LRP5: variants seen among roughly 807,000 people sequenced by gnomAD.
LRP5 encodes LDL receptor related protein 5, also known as low-density lipoprotein receptor-related protein 5.
In LRP5, 62 loss-of-function variants were observed where a neutral mutation model predicts 154.1. The ratio of observed to expected loss-of-function variants is 0.40; its 90% confidence interval spans 0.33 to 0.50. The LOEUF is 0.50. Ranked by LOEUF, LRP5 falls within the 20% of genes least tolerant of loss-of-function variation. LRP5 has a pLI of 0.55. For missense variants in LRP5, 1,915 were observed against 2,336.7 expected, an observed-to-expected ratio of 0.82 and a Z score of 3.72; for synonymous variants, 966 against 1,011.5, an observed-to-expected ratio of 0.96 and a Z score of 0.85.
chr11:68,433,182 C>T (rs1297162400), intron 17 of LRP5, among the ~76,000 whole-genome samples: 2 of 152,306 alleles, frequency 1.3e-5, no homozygotes, highest in Admixed American at 6.5e-5. Flanking sequence ...CTGAGGAGGG[C>T]GCAGTGGGCA....
Position 68,388,061 on chromosome 11 carries a change from C to T in LRP5, c.1412+1349C>T, listed in dbSNP as rs887606533. Reference sequence around the variant, plus strand: ...CAGGCAGCGGGAGTGCAGCAGGCAGCGGGAGCACAGCAGGCAGAGGGCGGG... The same window carrying T: ...CAGGCAGCGGGAGTGCAGCAGGCAGTGGGAGCACAGCAGGCAGAGGGCGGG... On this transcript the variant is annotated intron_variant, in intron 6 of 22. Coordinates refer to ENST00000294304, the MANE Select transcript of LRP5 (RefSeq NM_002335.4). 1.7e-4 allele frequency among the ~76,000 whole-genome samples: 26 copies of T among 152,096 alleles called. 1 individual carries two copies. Among genetic ancestry groups the T allele is most frequent in the Admixed American group, 1.5e-3 (23 of 15,276 alleles).
Position 68,318,556 on chromosome 11 carries a change from C to T in LRP5, c.91+5751C>T, listed in dbSNP as rs1237806135. Among the ~76,000 whole-genome samples the T allele has an allele frequency of 2.0e-5, 3 of 152,070 alleles. No individual in the cohort carries two copies. The East Asian group carries it at 5.8e-4, about 29-fold the overall frequency. On this transcript the variant is annotated intron_variant, in intron 1 of 22. Coordinates refer to ENST00000294304, the MANE Select transcript of LRP5 (RefSeq NM_002335.4). ...GTTTCACTATGTTGCCCAGGCTGGT[C>T]TTGAACTCCTGGGCTCAAGCGATCC... is the stretch of plus-strand genomic sequence containing the variant.
rs768364811 is a variant in LRP5 at position 68,413,824 on chromosome 11, C to T, written c.2639C>T (p.Thr880Ile). 4 of 1,613,814 alleles carry T rather than the reference C, an allele frequency of 2.5e-6. No individual in the cohort carries two copies. In the South Asian group the frequency reaches 4.4e-5, roughly 18 times the overall value. The change falls in exon 12 of 23, where the codon ACC (threonine) becomes ATC (isoleucine). Residue 880 changes from threonine (T) to isoleucine (I), a missense_variant. Thr to Ile is a moderately conservative substitution (Grantham distance 89, BLOSUM62 -1). Transcript: ENST00000294304. The surrounding 1 kb of genome is among the most constrained non-coding windows in gnomAD (Gnocchi z 5.1). ...RADKTSGRNR[T>I]LIQGHLDFVM... ...GACAAGACTAGCGGCCGGAACCGCA[C>T]CCTCATCCAGGGCCACCTGGACTTC... is the stretch of plus-strand genomic sequence containing the variant.
At chr11:68,381,777 T>C (rs1356950116) in intron 5 of LRP5, among the ~76,000 whole-genome samples, 1 of 152,238 alleles carries the variant, frequency 6.6e-6, no homozygotes, top group Non-Finnish European at 1.5e-5. Flanking sequence ...GCCTCTCTTC[T>C]TTATAGCCCG....
chr11:68,340,378 C>CT (rs2098608236), intron 1 of LRP5, among the ~76,000 whole-genome samples: 1 of 152,200 alleles, frequency 6.6e-6, no homozygotes, highest in African/African-American at 2.4e-5. Flanking sequence ...ATCCAGGCAA[C>CT]TGAGTCTGAG....
intron 5 of LRP5, among the ~76,000 whole-genome samples, chr11:68,373,607 TCA>T (rs2098635628): frequency 6.6e-6 from 1 of 152,166 alleles, no homozygotes; most frequent in Non-Finnish European, 1.5e-5. Flanking sequence ...TCTCTGCAGC[TCA>T]GAGTCACTCT....
intron 7 of LRP5, among the ~76,000 whole-genome samples, chr11:68,394,831 G>C (rs1233307444): frequency 1.3e-5 from 2 of 152,196 alleles, no homozygotes; most frequent in African/African-American, 4.8e-5. Context: ...GGTTGCTATA[G>C]GGAATATGAG....
At chr11:68,411,403 ACTGAGCCTG>A (rs2098659398) in intron 10 of LRP5, 24 bp from the exon 11 acceptor site, 1 of 1,605,426 alleles carries the variant, frequency 6.2e-7, no homozygotes, top group Admixed American at 1.7e-5. Context: ...GAGCAGACTC[ACTGAGCCTG>A]CCCTTCTCCC....
At chr11:68,354,630 G>A (rs1001425912) in intron 2 of LRP5, among the ~76,000 whole-genome samples, 1 of 152,210 alleles carries the variant, frequency 6.6e-6, no homozygotes, top group African/African-American at 2.4e-5. Context: ...GGAGTCCCAG[G>A]CTGCCAGGAA....
intron 16 of LRP5, among the ~76,000 whole-genome samples, chr11:68,428,397 T>C (rs903708777): frequency 6.6e-6 from 1 of 152,128 alleles, no homozygotes; most frequent in Admixed American, 6.5e-5. Flanking sequence ...ATTCCCCCAA[T>C]GTGCTGGAGA....
intron 1 of LRP5, among the ~76,000 whole-genome samples, chr11:68,316,380 T>C (rs1447666341): frequency 6.6e-6 from 1 of 152,136 alleles, no homozygotes; most frequent in African/African-American, 2.4e-5. Flanking sequence ...TAAGTGATTC[T>C]CCTGCCTCAG....
At chr11:68,303,594 A>G in the LRP5 span, among the ~76,000 whole-genome samples, 1 of 152,134 alleles carries the variant, frequency 6.6e-6, no homozygotes, top group African/African-American at 2.4e-5. Flanking sequence ...CCCAGGTTCA[A>G]GTAATTCTCC....
intron 5 of LRP5, among the ~76,000 whole-genome samples, chr11:68,384,531 G>T (rs1210583035): frequency 6.6e-6 from 1 of 152,200 alleles, no homozygotes; most frequent in East Asian, 1.9e-4. Flanking sequence ...CCCTAACCTG[G>T]GGAGGGAGCC....
intron 1 of LRP5, among the ~76,000 whole-genome samples, chr11:68,330,718 G>C (rs540853032): frequency 9.2e-5 from 14 of 152,370 alleles, no homozygotes; most frequent in African/African-American, 3.4e-4. Flanking sequence ...TTCCACAGTA[G>C]CCAAATCAAG....
intron 5 of LRP5, among the ~76,000 whole-genome samples, chr11:68,371,086 C>G (rs2153143465): frequency 6.6e-6 from 1 of 152,222 alleles, no homozygotes; most frequent in East Asian, 1.9e-4. Flanking sequence ...GCTGGCTCCT[C>G]CGTCTCCCTG....
intron 13 of LRP5, 93 bp downstream of exon 13, chr11:68,416,620 G>A (rs2153169462): frequency 3.4e-6 from 4 of 1,190,666 alleles, no homozygotes; most frequent in Admixed American, 3.9e-5. Flanking sequence ...AGCAGAGGGA[G>A]GAAACAGAGG....
At chr11:68,417,909 T>C (rs532378074) in intron 13 of LRP5, among the ~76,000 whole-genome samples, 2 of 152,138 alleles carry the variant, frequency 1.3e-5, no homozygotes, top group African/African-American at 4.8e-5. Flanking sequence ...CACTCCAGCC[T>C]GGGCAACAAG....
rs1018365780 is a variant in LRP5, at chr11:68,389,750, C to A, written c.1413-131C>A. ...TACGAGCACCGACATTTACTGACACCAATATTTACTGACATCAACATTTAG... is the reference window on the plus strand; with the variant it reads ...TACGAGCACCGACATTTACTGACACAAATATTTACTGACATCAACATTTAG... On this transcript the variant is annotated intron_variant, in intron 6 of 22. Coordinates refer to ENST00000294304, the MANE Select transcript of LRP5 (RefSeq NM_002335.4). 8 of 877,722 alleles carry A rather than the reference C, an allele frequency of 9.1e-6. No homozygotes were observed. In the African/African-American group the frequency reaches 9.9e-5, roughly 11 times the overall value. 54.4% of individuals were successfully genotyped at this position (877,722 alleles called of 1,614,324 possible).
intron 1 of LRP5, among the ~76,000 whole-genome samples, chr11:68,313,285 G>C (rs1040801688): frequency 2.6e-5 from 4 of 152,052 alleles, no homozygotes; most frequent in Non-Finnish European, 5.9e-5. Flanking sequence ...TTCTGAGCCC[G>C]GGCGCGGGGC....
Sources: gnomAD v4.1 joint callset for allele counts (sites outside exome capture counted in the v4.1 genomes callset) on GRCh38, gnomAD v4.1.1 for gene constraint, Gnocchi (gnomAD v3.1) non-coding constraint, MANE v1.5 for transcripts, NCBI Gene and HGNC (gene_info 2026-07-23, HGNC 2026-07-21) for gene names.